The following RANBP2 variants were observed in gnomAD, a reference collection of about 807,000 sequenced individuals.
The protein encoded by RANBP2 is E3 SUMO-protein ligase RanBP2.
Under a neutral mutation model 303.6 loss-of-function variants are expected in RANBP2, and 57 were observed. That is an observed-to-expected ratio of 0.19 (90% CI 0.15 to 0.23). The LOEUF is 0.23. RANBP2 is among the 10% of genes least tolerant of loss of function. The pLI is 1.00. For synonymous variants in RANBP2, 1,167 were observed against 1,301.5 expected (o/e 0.90, Z 2.23); for missense variants, 3,138 against 3,780.8 (o/e 0.83, Z 4.46).
At chr2:109,129,582 C>T in the RANBP2 span, 10 of 1,483,772 alleles carry the variant, frequency 6.7e-6, no homozygotes, top group South Asian at 5.1e-5. Context: ...CCAAGGCGGC[C>T]GCCGCTGCTG....
chr2:108,866,176 TTTGCTTG>T, the RANBP2 span, among the ~76,000 whole-genome samples: 38 of 152,190 alleles, frequency 2.5e-4, no homozygotes, highest in Non-Finnish European at 4.7e-4. Context: ...GTGGAATCAG[TTTGCTTG>T]TTGGAAGAAG....
the RANBP2 span, among the ~76,000 whole-genome samples, chr2:109,190,999 T>C: frequency 6.6e-6 from 1 of 151,840 alleles, no homozygotes; most frequent in African/African-American, 2.4e-5. Flanking sequence ...AGTTAGCACA[T>C]TGTTTCTGTA....
the RANBP2 span, among the ~76,000 whole-genome samples, chr2:109,485,471 T>C: frequency 2.0e-5 from 3 of 152,242 alleles, no homozygotes; most frequent in African/African-American, 7.2e-5. Context: ...AATTTAAGCT[T>C]TCAATTGCTT....
the RANBP2 span, among the ~76,000 whole-genome samples, chr2:108,816,930 C>T: frequency 1.3e-5 from 2 of 152,318 alleles, no homozygotes; most frequent in African/African-American, 4.8e-5. Flanking sequence ...CTCTTAGCTT[C>T]AAGCATTCCT....
chr2:108,944,864 C>T, the RANBP2 span, among the ~76,000 whole-genome samples: 1,948 of 152,282 alleles, frequency 0.013, 49 homozygotes, highest in African/African-American at 0.045. Context: ...CTATGGTCGC[C>T]GCCACCTGCA....
chr2:109,305,358 A>G, the RANBP2 span, among the ~76,000 whole-genome samples: 9 of 152,148 alleles, frequency 5.9e-5, no homozygotes, highest in East Asian at 1.4e-3. Context: ...AATGGCAGGT[A>G]TGGCCATGGA....
At chr2:109,545,535 C>A in the RANBP2 span, 6 of 1,535,790 alleles carry the variant, frequency 3.9e-6, no homozygotes, top group African/African-American at 1.4e-5. Context: ...AATCGACAGC[C>A]TGGTTCCCTT....
chr2:108,787,006 G>A, downstream of RANBP2: 1 of 851,666 alleles, frequency 1.2e-6, no homozygotes, highest in East Asian at 3.6e-5. Context: ...GGGGCGCGCA[G>A]CGGCTCTGGT....
intron 18 of RANBP2, 85 bp from the exon 19 acceptor site, chr2:108,762,016 T>G: frequency 6.4e-7 from 1 of 1,554,420 alleles, no homozygotes; most frequent in Non-Finnish European, 8.6e-7. Flanking sequence ...TCTATTGCCT[T>G]TGTATTTATA....
the RANBP2 span, among the ~76,000 whole-genome samples, chr2:109,508,198 G>T: frequency 2.6e-5 from 4 of 152,096 alleles, no homozygotes; most frequent in African/African-American, 9.7e-5. Flanking sequence ...CAAAACCCTG[G>T]CATTGACTCT....
chr2:109,681,125 G>A, the RANBP2 span, among the ~76,000 whole-genome samples: 1 of 152,160 alleles, frequency 6.6e-6, no homozygotes, highest in Non-Finnish European at 1.5e-5. Flanking sequence ...TTCTCGATGC[G>A]GAGGAATCCC....
chr2:109,408,285 C>T, the RANBP2 span, among the ~76,000 whole-genome samples: 1 of 152,158 alleles, frequency 6.6e-6, no homozygotes, highest in Non-Finnish European at 1.5e-5. Context: ...CAGGAGGAAA[C>T]CAGGCCACTG....
chr2:109,186,504 G>A, the RANBP2 span, among the ~76,000 whole-genome samples: 6 of 152,184 alleles, frequency 3.9e-5, no homozygotes, highest in Non-Finnish European at 8.8e-5. Context: ...AAAGCATGTA[G>A]GGCCAGTTAC....
the RANBP2 span, among the ~76,000 whole-genome samples, chr2:108,791,127 CTAA>C: frequency 2.0e-5 from 3 of 152,050 alleles, no homozygotes; most frequent in Non-Finnish European, 4.4e-5. Context: ...ATTATATTAA[CTAA>C]TATTTTTAAA....
At chr2:109,623,054 G>A in the RANBP2 span, among the ~76,000 whole-genome samples, 1 of 152,320 alleles carries the variant, frequency 6.6e-6, no homozygotes, top group Non-Finnish European at 1.5e-5. Context: ...TTGAACCCAG[G>A]AGGCAGAGCT....
chr2:109,490,388 CT>C, the RANBP2 span, among the ~76,000 whole-genome samples: 1 of 152,214 alleles, frequency 6.6e-6, no homozygotes, highest in Non-Finnish European at 1.5e-5. Flanking sequence ...CTGGCCCTCA[CT>C]GGTTCACCCG....
chr2:108,912,663 G>A, the RANBP2 span: 4 of 1,574,414 alleles, frequency 2.5e-6, no homozygotes, highest in African/African-American at 1.3e-5. Context: ...ATCGATACCT[G>A]AGCACCCTCC....
the RANBP2 span, among the ~76,000 whole-genome samples, chr2:108,843,564 C>T: frequency 0.018 from 2,812 of 152,270 alleles, 97 homozygotes; most frequent in African/African-American, 0.065. Context: ...TCTAGTGTGA[C>T]AGTTCTTTAC....
the RANBP2 span, among the ~76,000 whole-genome samples, chr2:109,382,487 C>T: frequency 6.6e-6 from 1 of 152,276 alleles, no homozygotes; most frequent in African/African-American, 2.4e-5. Flanking sequence ...TCCTCATCTG[C>T]ATGAACTCTC....
Sources: gnomAD v4.1 joint callset for allele counts (sites outside exome capture counted in the v4.1 genomes callset) on GRCh38, gnomAD v4.1.1 for gene constraint, MANE v1.5 for transcripts, NCBI Gene and HGNC (gene_info 2026-07-23, HGNC 2026-07-21) for gene names.